RECQL5: variants seen among roughly 807,000 people sequenced by gnomAD.
The protein encoded by RECQL5 is RecQ like helicase 5.
RECQL5 carries 88 observed loss-of-function variants against 103.4 expected under a neutral mutation model. That is an observed-to-expected ratio of 0.85 (90% CI 0.72 to 1.02). RECQL5 has a LOEUF of 1.02. Among genes scored for constraint, RECQL5 ranks in the 50% least tolerant of loss-of-function variants. The pLI, the probability that RECQL5 is intolerant of heterozygous loss-of-function variation, is 0.00. For missense variants in RECQL5, 1,232 were observed against 1,284.3 expected, an observed-to-expected ratio of 0.96 and a Z score of 0.62; for synonymous variants, 552 against 507.9, an observed-to-expected ratio of 1.09 and a Z score of -1.17.
intron 8 of RECQL5, among the ~76,000 whole-genome samples, chr17:75,643,151 A>G (rs2148298245): frequency 6.6e-6 from 1 of 152,394 alleles, no homozygotes; most frequent in African/African-American, 2.4e-5. Flanking sequence ...TTTCATTCCC[A>G]GCACCAATGG....
chr17:75,661,124 G>A (rs2059693354), intron 5 of RECQL5, 58 bp from the exon 6 acceptor site: 1 of 1,400,254 alleles, frequency 7.1e-7, no homozygotes, highest in African/African-American at 1.4e-5. Flanking sequence ...TTTACCGGGG[G>A]CCTATTTTGG....
chr17:75,659,339 C>A (rs1178688620), intron 6 of RECQL5, among the ~76,000 whole-genome samples: 1 of 152,172 alleles, frequency 6.6e-6, no homozygotes, highest in Non-Finnish European at 1.5e-5. Flanking sequence ...GGATTACAGG[C>A]ATAAGCCACT....
intron 18 of RECQL5, 137 bp downstream of exon 18, chr17:75,628,081 G>A (rs929811274): frequency 5.3e-6 from 4 of 749,236 alleles, no homozygotes; most frequent in Admixed American, 4.3e-5. Context: ...CAACGGCAAG[G>A]CAGGCCCCAG....
In RECQL5 at chr17:75,630,982, A is replaced by G. The variant is rs778309776; in HGVS notation, c.1577T>C (p.Val526Ala). The part of the protein sequence containing the change: ...KGKDPKIEEF[V>A]PPDENCPLKE... ...AACATTTCTGTACTGACCTGGGGGT[A>G]CAAATTCTTCTATCTTGGGGTCTTT... is the stretch of plus-strand genomic sequence containing the variant. The change falls in exon 11 of 20, where the codon GTA becomes GCA. Residue 526 changes from valine to alanine, a missense_variant. Val to Ala is a moderately conservative substitution (Grantham distance 64). Coordinates refer to ENST00000317905, the MANE Select transcript of RECQL5 (RefSeq NM_004259.7). 3.7e-6 allele frequency: 6 copies of G among 1,613,840 alleles called. No homozygotes were observed. The highest frequency in any genetic ancestry group is 1.7e-6 in the Non-Finnish European group (2 of 1,179,916).
intron 9 of RECQL5, 46 bp from the exon 10 acceptor site, chr17:75,631,295 TC>T: frequency 1.3e-6 from 2 of 1,584,736 alleles, no homozygotes; most frequent in Non-Finnish European, 1.7e-6. Flanking sequence ...GGCTCTGCCC[TC>T]CCCATGTGTG....
chr17:75,655,228 C>T (rs1405484948), intron 7 of RECQL5, among the ~76,000 whole-genome samples: 2 of 152,132 alleles, frequency 1.3e-5, no homozygotes, highest in African/African-American at 4.8e-5. Flanking sequence ...CCCGCCACCA[C>T]GCGCGGCTAA....
intron 8 of RECQL5, chr17:75,634,136 C>T (rs891337265): frequency 1.6e-5 from 16 of 985,378 alleles, no homozygotes; most frequent in African/African-American, 3.5e-5. Context: ...GAAGGAAGTA[C>T]GAGGACAGCA....
At chr17:75,657,290 C>A (rs952105306) in intron 7 of RECQL5, among the ~76,000 whole-genome samples, 3 of 152,128 alleles carry the variant, frequency 2.0e-5, no homozygotes, top group African/African-American at 7.2e-5. Context: ...GAGGCAGAGG[C>A]AGGAGGATCA....
At chr17:75,657,663 T>C (rs1362520432) in intron 7 of RECQL5, among the ~76,000 whole-genome samples, 1 of 149,996 alleles carries the variant, frequency 6.7e-6, no homozygotes, top group East Asian at 2.0e-4. Context: ...GGAAGATTAT[T>C]TATGGCCAGG....
chr17:75,633,503 CCAGGTCACT>C, intron 8 of RECQL5: 2 of 1,288,766 alleles, frequency 1.6e-6, no homozygotes, highest in Non-Finnish European at 2.0e-6. Flanking sequence ...CAGGCCACTC[CCAGGTCACT>C]CAGGATTCCA....
At chr17:75,655,715 C>T (rs2059611478) in intron 7 of RECQL5, among the ~76,000 whole-genome samples, 1 of 151,890 alleles carries the variant, frequency 6.6e-6, no homozygotes, top group African/African-American at 2.4e-5. Context: ...GTCGCCCAGG[C>T]TGGAGTGCGT....
intron 8 of RECQL5, chr17:75,633,399 G>A (rs968195681): frequency 4.7e-6 from 6 of 1,274,458 alleles, no homozygotes; most frequent in African/African-American, 1.5e-5. Flanking sequence ...CTGGACTCTG[G>A]AGCCCTGCCC....
chr17:75,627,222 A>G lies in RECQL5; in HGVS notation c.*200T>C, dbSNP rs747794927. 1.5e-6 allele frequency: 1 copy of G among 663,520 alleles called. No individual in the cohort carries two copies. The highest frequency in any genetic ancestry group is 2.4e-4 in the Middle Eastern group (1 of 4,150). The allele number at this position is 663,520 out of a possible 1,614,324, so 41.1% of individuals were successfully genotyped here. ...GAGGACCGCTCTGAGAAGGGTCTAT[A>G]GGCTTTGCAAGCAGAAAGAAAGGTG... On this transcript the variant is annotated 3_prime_UTR_variant, in exon 20 of 20. Coordinates refer to ENST00000317905, the MANE Select transcript of RECQL5 (RefSeq NM_004259.7).
intron 8 of RECQL5, among the ~76,000 whole-genome samples, chr17:75,644,177 C>T (rs182158318): frequency 2.3e-4 from 35 of 152,232 alleles, no homozygotes; most frequent in South Asian, 6.2e-4. Context: ...TGGTGGCGCA[C>T]GCCTGTAGTC....
At chr17:75,651,113 C>T (rs2148316357) in intron 8 of RECQL5, 73 bp downstream of exon 8, 2 of 1,612,718 alleles carry the variant, frequency 1.2e-6, no homozygotes, top group Non-Finnish European at 1.7e-6. Flanking sequence ...ATGTCAGCTG[C>T]TTAACTAGGG....
At chr17:75,666,634 A>C in intron 1 of RECQL5, 63 bp from the exon 2 acceptor site, 1 of 1,483,278 alleles carries the variant, frequency 6.7e-7, no homozygotes, top group Non-Finnish European at 9.2e-7. Context: ...TTTTGCATTA[A>C]AAATACAGAT....
In RECQL5 at chr17:75,662,520, C is replaced by A. The variant is rs1357440516; in HGVS notation, c.730G>T (p.Asp244Tyr). 6.2e-7 allele frequency: 1 copy of A among 1,614,154 alleles called. No homozygotes were observed. The highest frequency in any genetic ancestry group is 2.2e-5 in the East Asian group (1 of 44,876). ...LISDPYGNLK[D>Y]FCLKALGQEA... is the part of the protein sequence containing the mutation. ...TGTCCAAGAGCCTTAAGGCAGAAGT[C>A]CTTCAGGTTCCCATAGGGATCAGAA... The change falls in exon 4 of 20, where the codon GAC becomes TAC. Residue 244 changes from aspartate (D) to tyrosine (Y), a missense_variant. Coordinates refer to ENST00000317905, the MANE Select transcript of RECQL5 (RefSeq NM_004259.7).
intron 1 of RECQL5, chr17:75,666,806 T>C: frequency 2.1e-6 from 1 of 473,196 alleles, no homozygotes; most frequent in Non-Finnish European, 3.8e-6. Flanking sequence ...CAGGCCACGG[T>C]ATAGCACAGA....
At chr17:75,648,227 G>A (rs2148309370) in intron 8 of RECQL5, among the ~76,000 whole-genome samples, 2 of 152,110 alleles carry the variant, frequency 1.3e-5, no homozygotes, top group South Asian at 4.2e-4. Flanking sequence ...TTTACTCTAT[G>A]GCCTAGTTAG....
Sources: gnomAD v4.1 joint callset for allele counts (sites outside exome capture counted in the v4.1 genomes callset) on GRCh38, gnomAD v4.1.1 for gene constraint, MANE v1.5 for transcripts, NCBI Gene and HGNC (gene_info 2026-07-23, HGNC 2026-07-21) for gene names.